Variants in ADARB2 observed in about 807,000 individuals in gnomAD.
ADARB2 encodes inactive double-stranded RNA-specific editase B2.
A neutral mutation model predicts 62.2 loss-of-function variants in ADARB2; 25 were observed. The ratio of observed to expected loss-of-function variants is 0.40; its 90% confidence interval spans 0.29 to 0.56. ADARB2 has a LOEUF of 0.56. Ranked by LOEUF, ADARB2 falls within the 20% of genes least tolerant of loss-of-function variation. ADARB2 has a pLI of 0.43. For missense variants in ADARB2, 1,071 were observed against 1,077.4 expected (o/e 0.99, Z 0.08); for synonymous variants, 572 against 500.8 (o/e 1.14, Z -1.90).
At chr10:1,691,595 GT>G (rs1387704276) in intron 1 of ADARB2, among the ~76,000 whole-genome samples, 3 of 152,156 alleles carry the variant, frequency 2.0e-5, no homozygotes, top group South Asian at 4.1e-4. Flanking sequence ...TGCATCTACT[GT>G]TTACTGGGCT....
At chr10:1,550,616 C>G (rs1164173994) in intron 1 of ADARB2, among the ~76,000 whole-genome samples, 4 of 152,218 alleles carry the variant, frequency 2.6e-5, no homozygotes, top group Non-Finnish European at 4.4e-5. Context: ...TGCAGCCACA[C>G]AGACCGACAC....
chr10:1,407,204 G>T (rs530916505), intron 1 of ADARB2, among the ~76,000 whole-genome samples: 54 of 152,324 alleles, frequency 3.5e-4, no homozygotes, highest in Non-Finnish European at 7.1e-4. Context: ...ATACTGATTT[G>T]CTGTTCTCGG....
Position 1,344,539 on chromosome 10 carries a change from C to T in ADARB2, c.1077+18489G>A, listed in dbSNP as rs866800477. ...TGAACGCTGAGTATAAGAGGGGAGA[C>T]GCCTGGGCAGGTGACCTGACCCGCC... On this transcript the variant is annotated intron_variant, in intron 3 of 9. Transcript: ENST00000381312. Among the ~76,000 whole-genome samples, 5 of 152,210 alleles carry T rather than the reference C, an allele frequency of 3.3e-5. No homozygotes were observed. In the South Asian group the frequency reaches 6.2e-4, roughly 19 times the overall value.
intron 1 of ADARB2, among the ~76,000 whole-genome samples, chr10:1,707,750 G>A (rs1834906769): frequency 6.6e-6 from 1 of 152,162 alleles, no homozygotes. Context: ...TTATAAACTA[G>A]ACATTTGGCT....
intron 1 of ADARB2, among the ~76,000 whole-genome samples, chr10:1,571,940 C>A (rs935751278): frequency 2.5e-5 from 2 of 81,106 alleles, no homozygotes; most frequent in African/African-American, 9.9e-5. Context: ...TGCTGGTGAG[C>A]GGACAGGTGA....
At position 1,181,855 on chromosome 10, in the gene ADARB2, ACAG is replaced by A. The variant is rs1228449488; in HGVS notation, c.*1335_*1337del. On this transcript the variant is annotated 3_prime_UTR_variant, in exon 10 of 10. Transcript: ENST00000381312. ...GAAATGAGTTCTCGGAGGTGAGATGACAGCAGCTCGAGGTACATGGATTACGTA... is the reference window on the plus strand; with the variant it reads ...GAAATGAGTTCTCGGAGGTGAGATGACAGCTCGAGGTACATGGATTACGTA... 6.6e-6 allele frequency: 1 copy of A among 152,230 alleles called. No homozygotes were observed. Among genetic ancestry groups the A allele is most frequent in the East Asian group, 1.9e-4 (1 of 5,198 alleles). The allele number at this position is 152,230 out of a possible 1,614,324, so 9.4% of individuals were successfully genotyped here.
chr10:1,588,833 G>A lies in ADARB2; in HGVS notation c.100+148218C>T, dbSNP rs112724176. Among the ~76,000 whole-genome samples the A allele has an allele frequency of 3.4e-3, 520 of 152,256 alleles. 8 individuals are homozygous for A. The highest frequency in any genetic ancestry group is 0.012 in the African/African-American group (497 of 41,548). On this transcript the variant is annotated intron_variant, in intron 1 of 9. Coordinates refer to ENST00000381312, the MANE Select transcript of ADARB2 (RefSeq NM_018702.4). ...GGAGAGCTTCGCAGATGACAAGATC[G>A]ATACAGATCAAGACAGAGCTCCTGA...
chr10:1,540,134 T>C (rs909965359), intron 1 of ADARB2, among the ~76,000 whole-genome samples: 1 of 152,230 alleles, frequency 6.6e-6, no homozygotes, highest in African/African-American at 2.4e-5. Context: ...AAGGCCCCGA[T>C]TCTCAACAAT....
chr10:1,265,405 G>A (rs1451739931), intron 4 of ADARB2, among the ~76,000 whole-genome samples: 1 of 152,252 alleles, frequency 6.6e-6, no homozygotes. Flanking sequence ...TATTGTAGGG[G>A]TTCAAGAGGA....
At chr10:1,202,902 T>C (rs1837006247) in intron 7 of ADARB2, among the ~76,000 whole-genome samples, 1 of 152,250 alleles carries the variant, frequency 6.6e-6, no homozygotes, top group Admixed American at 6.5e-5. Context: ...GTGGCTGTGA[T>C]GCTGCAGGAC....
intron 4 of ADARB2, among the ~76,000 whole-genome samples, chr10:1,252,673 A>T (rs200828784): frequency 1.4e-4 from 21 of 149,474 alleles, no homozygotes; most frequent in Non-Finnish European, 2.4e-4. Flanking sequence ...TTTTTTTTTT[A>T]AATCTTCTGG....
At chr10:1,192,205 G>A (rs1836853672) in intron 8 of ADARB2, among the ~76,000 whole-genome samples, 1 of 152,242 alleles carries the variant, frequency 6.6e-6, no homozygotes, top group Non-Finnish European at 1.5e-5. Context: ...CATCTCAGGA[G>A]TATAATTTTT....
chr10:1,373,992 G>A (rs1167861960), intron 2 of ADARB2, among the ~76,000 whole-genome samples: 1 of 147,464 alleles, frequency 6.8e-6, no homozygotes, highest in African/African-American at 2.5e-5. Flanking sequence ...TGGACTCCGT[G>A]CACCTTTCCT....
In ADARB2 at chr10:1,183,118, C is replaced by G. The variant is rs951487180; in HGVS notation, c.*75G>C. On this transcript the variant is annotated 3_prime_UTR_variant, in exon 10 of 10. Coordinates refer to ENST00000381312, the MANE Select transcript of ADARB2 (RefSeq NM_018702.4). Reference sequence around the variant, plus strand: ...AAACGAATGCAGGGAACCGGCCGACCCGCCACGTCGCCCCCCAGACACGGT... The same window carrying G: ...AAACGAATGCAGGGAACCGGCCGACGCGCCACGTCGCCCCCCAGACACGGT... 3 of 1,528,484 alleles carry G rather than the reference C, an allele frequency of 2.0e-6. No individual in the cohort carries two copies. Among genetic ancestry groups the G allele is most frequent in the South Asian group, 1.2e-5 (1 of 82,258 alleles). The allele number at this position is 1,528,484 out of a possible 1,614,324, so 94.7% of individuals were successfully genotyped here.
intron 4 of ADARB2, among the ~76,000 whole-genome samples, chr10:1,245,655 A>G (rs1830979322): frequency 6.6e-6 from 1 of 152,198 alleles, no homozygotes; most frequent in African/African-American, 2.4e-5. Context: ...TGTCCCTACA[A>G]AGGACATGAA....
At chr10:1,681,046 G>A (rs573705656) in intron 1 of ADARB2, among the ~76,000 whole-genome samples, 10 of 152,260 alleles carry the variant, frequency 6.6e-5, no homozygotes, top group South Asian at 4.1e-4. Context: ...TGACTTAAAT[G>A]GGCCTGAGAG....
intron 1 of ADARB2, among the ~76,000 whole-genome samples, chr10:1,452,874 G>A (rs557577869): frequency 6.6e-6 from 1 of 152,238 alleles, no homozygotes; most frequent in East Asian, 1.9e-4. Flanking sequence ...ATTTAAAAAA[G>A]AAATACAGGC....
chr10:1,650,215 A>G (rs1256240084), intron 1 of ADARB2, among the ~76,000 whole-genome samples: 1 of 152,314 alleles, frequency 6.6e-6, no homozygotes, highest in East Asian at 1.9e-4. Context: ...AGTGAGATTT[A>G]TAGCCTAGTT....
At chr10:1,414,077 C>T (rs1443220806) in intron 1 of ADARB2, among the ~76,000 whole-genome samples, 1 of 152,210 alleles carries the variant, frequency 6.6e-6, no homozygotes, top group African/African-American at 2.4e-5. Context: ...CTCCTTTCCT[C>T]ACCAGCTCGG....
Sources: gnomAD v4.1 joint callset for allele counts (sites outside exome capture counted in the v4.1 genomes callset) on GRCh38, gnomAD v4.1.1 for gene constraint, MANE v1.5 for transcripts, NCBI Gene and HGNC (gene_info 2026-07-23, HGNC 2026-07-21) for gene names.